Variants in DDAH1 observed in about 807,000 individuals in gnomAD.
DDAH1 encodes the protein N(G),N(G)-dimethylarginine dimethylaminohydrolase 1.
A neutral mutation model predicts 28.8 loss-of-function variants in DDAH1; 19 were observed. The ratio of observed to expected loss-of-function variants is 0.66; its 90% CI spans 0.46 to 0.97. DDAH1 has a LOEUF of 0.97. DDAH1 is among the 50% of genes least tolerant of loss of function. The pLI is 0.00. For synonymous variants in DDAH1, 153 were observed against 154.4 expected, an observed-to-expected ratio of 0.99 and a Z score of 0.07; for missense variants, 326 against 375.9, an observed-to-expected ratio of 0.87 and a Z score of 1.10.
At chr1:85,457,418 G>C (rs922134177) in intron 1 of DDAH1, among the ~76,000 whole-genome samples, 1 of 152,074 alleles carries the variant, frequency 6.6e-6, no homozygotes, top group Non-Finnish European at 1.5e-5. Context: ...CCCGTGTTCT[G>C]CAAGTGTCTG....
chr1:85,357,295 G>T (rs1389171720), intron 2 of DDAH1, among the ~76,000 whole-genome samples: 1 of 152,148 alleles, frequency 6.6e-6, no homozygotes, highest in Non-Finnish European at 1.5e-5. Context: ...ATGGACCACT[G>T]CATGAGACAG....
chr1:85,414,740 C>T (rs1464192363), intron 1 of DDAH1, among the ~76,000 whole-genome samples: 1 of 152,056 alleles, frequency 6.6e-6, no homozygotes, highest in Non-Finnish European at 1.5e-5. Context: ...CTAGGTTATT[C>T]CTTCTATTTT....
At chr1:85,345,858 C>T (rs1177841816) in intron 4 of DDAH1, among the ~76,000 whole-genome samples, 1 of 152,144 alleles carries the variant, frequency 6.6e-6, no homozygotes, top group Admixed American at 6.5e-5. Context: ...GAGTGAGACT[C>T]CATCTTAAAT....
At chr1:85,323,610 C>A (rs1034483066) in intron 5 of DDAH1, among the ~76,000 whole-genome samples, 1 of 152,148 alleles carries the variant, frequency 6.6e-6, no homozygotes, top group African/African-American at 2.4e-5. Context: ...TGCTACCTAG[C>A]ACGGGCAGTT....
At chr1:85,404,649 T>C (rs559606995) in intron 1 of DDAH1, 72 of 610,980 alleles carry the variant, frequency 1.2e-4, no homozygotes, top group Admixed American at 3.1e-4. Flanking sequence ...GACTCAAGTA[T>C]TTCTTTAAAT....
At chr1:85,514,609 C>T (rs1290658225) in intron 1 of DDAH1, among the ~76,000 whole-genome samples, 15 of 149,442 alleles carry the variant, frequency 1.0e-4, no homozygotes, top group Admixed American at 1.3e-4. Context: ...ATTGAATGAT[C>T]ACTTCCAATG....
At chr1:85,465,183 G>T (rs1214083269), upstream of DDAH1, 1 of 1,138,488 alleles carries the variant, frequency 8.8e-7, no homozygotes, top group East Asian at 4.6e-5. Context: ...CCCAGCTCGC[G>T]CCCGGAGCCC....
intron 1 of DDAH1, among the ~76,000 whole-genome samples, chr1:85,532,479 A>T (rs1271143908): frequency 6.6e-6 from 1 of 152,138 alleles, no homozygotes; most frequent in African/African-American, 2.4e-5. Flanking sequence ...CAGTTTCACC[A>T]CGTTTGCGAT....
At chr1:85,334,025 CTCA>C (rs1169050611) in intron 4 of DDAH1, among the ~76,000 whole-genome samples, 1 of 152,186 alleles carries the variant, frequency 6.6e-6, no homozygotes, top group Non-Finnish European at 1.5e-5. Flanking sequence ...CCACCCAATT[CTCA>C]TCGTGAATTA....
chr1:85,477,128 G>T (rs190180907), intron 2 of DDAH1, among the ~76,000 whole-genome samples: 2 of 152,326 alleles, frequency 1.3e-5, no homozygotes, highest in East Asian at 3.9e-4. Context: ...TTAATCAGGA[G>T]TGGAGAGAAA....
intron 1 of DDAH1, among the ~76,000 whole-genome samples, chr1:85,424,824 T>C (rs1463544354): frequency 6.6e-6 from 1 of 152,020 alleles, no homozygotes; most frequent in Admixed American, 6.6e-5. Flanking sequence ...AAAAAAGTTA[T>C]ACAATAAAGA....
chr1:85,490,949 A>G (rs1656375556), intron 2 of DDAH1, among the ~76,000 whole-genome samples: 1 of 151,826 alleles, frequency 6.6e-6, no homozygotes, highest in Non-Finnish European at 1.5e-5. Flanking sequence ...CCATTAAAAT[A>G]TTAATTTCTC....
chr1:85,542,180 C>A (rs548027363), intron 1 of DDAH1, among the ~76,000 whole-genome samples: 4 of 152,220 alleles, frequency 2.6e-5, no homozygotes, highest in African/African-American at 9.6e-5. Flanking sequence ...TACTTCAGGG[C>A]CTGAACACTG....
At chr1:85,430,077 A>C (rs1370460917) in intron 1 of DDAH1, among the ~76,000 whole-genome samples, 2 of 152,106 alleles carry the variant, frequency 1.3e-5, no homozygotes, top group African/African-American at 4.8e-5. Context: ...ATTTTTGTAT[A>C]AGGTGTAAGG....
chr1:85,498,063 G>T (rs1285616902), intron 1 of DDAH1, among the ~76,000 whole-genome samples: 1 of 152,164 alleles, frequency 6.6e-6, no homozygotes, highest in African/African-American at 2.4e-5. Flanking sequence ...TAATAGTGAA[G>T]CTTAACGAGC....
At chr1:85,465,237 GCGCGCATCCCGCGCGCCCACTC>G (rs1655325545), upstream of DDAH1, 3 of 1,102,694 alleles carry the variant, frequency 2.7e-6, no homozygotes, top group Admixed American at 1.5e-4. Context: ...GCGCCGGCCC[GCGCGCATCCCGCGCGCCCACTC>G]CGGCGCTCGC....
intron 1 of DDAH1, among the ~76,000 whole-genome samples, chr1:85,457,377 C>T (rs1654933487): frequency 6.6e-6 from 1 of 152,092 alleles, no homozygotes; most frequent in Non-Finnish European, 1.5e-5. Context: ...GCTTCCATGG[C>T]ACTGGGCTGA....
chr1:85,518,423 T>C (rs1294733845), intron 1 of DDAH1, among the ~76,000 whole-genome samples: 1 of 152,176 alleles, frequency 6.6e-6, no homozygotes, highest in Non-Finnish European at 1.5e-5. Context: ...TTCAGTTCCA[T>C]GTGGTTGTAA....
At chr1:85,351,484 G>T in intron 3 of DDAH1, 22 bp downstream of exon 3, 1 of 1,596,028 alleles carries the variant, frequency 6.3e-7, no homozygotes, top group Non-Finnish European at 8.6e-7. Context: ...TTTGTGCCAG[G>T]CATAAACTAC....
Sources: gnomAD v4.1 joint callset for allele counts (sites outside exome capture counted in the v4.1 genomes callset) on GRCh38, gnomAD v4.1.1 for gene constraint, MANE v1.5 for transcripts, NCBI Gene and HGNC (gene_info 2026-07-23, HGNC 2026-07-21) for gene names.